The following CBY1 variants were observed in gnomAD, a reference collection of about 807,000 sequenced individuals.
The protein encoded by CBY1 is chibby 1, beta catenin antagonist, also known as protein chibby homolog 1.
A neutral mutation model predicts 15.6 loss-of-function variants in CBY1; 10 were observed. The observed-to-expected ratio is 0.64, with a 90% CI of 0.40 to 1.09. The LOEUF (loss-of-function observed/expected upper bound fraction) is 1.09. CBY1 is among the 50% of genes least tolerant of loss of function. The pLI, the probability that CBY1 is intolerant of heterozygous loss-of-function variation, is 0.01. For synonymous variants in CBY1, 61 were observed against 63.5 expected (o/e 0.96, Z 0.19); for missense variants, 150 against 160.5 (o/e 0.93, Z 0.35).
chr22:38,668,298 G>A (rs2092442920), intron 2 of CBY1, 166 bp downstream of exon 2: 1 of 560,070 alleles, frequency 1.8e-6, no homozygotes, highest in Non-Finnish European at 3.2e-6. Flanking sequence ...GTTTGGGAAT[G>A]ATCGTCAGAG....
intron 1 of CBY1, among the ~76,000 whole-genome samples, chr22:38,662,614 C>G (rs2092425290): frequency 6.6e-6 from 1 of 152,056 alleles, no homozygotes; most frequent in Non-Finnish European, 1.5e-5. Context: ...CCTCTGCCTC[C>G]TGAATAGCTG....
intron 4 of CBY1, 166 bp downstream of exon 4, chr22:38,671,354 T>A: frequency 1.5e-6 from 1 of 645,252 alleles, no homozygotes; most frequent in Non-Finnish European, 2.8e-6. Flanking sequence ...GCCCTCACAG[T>A]GTAGAGGCAG....
intron 2 of CBY1, chr22:38,668,801 A>C (rs3827356): frequency 0.31 from 47,031 of 152,426 alleles, 7,347 homozygotes; most frequent in East Asian, 0.36. Flanking sequence ...AGCATTCACT[A>C]CAGGTTTCAG....
rs529733227 is a variant in CBY1 at position 38,660,350 on chromosome 22, G to A, written c.-39+3600G>A. On this transcript the variant is annotated intron_variant, in intron 1 of 4. Transcript: ENST00000216029. Reference sequence around the variant, plus strand: ...GCTGGGATTACAGGCTCATGCCACCGCGCCTGGCTAATTTTTGTGTTTTTA... The same window carrying A: ...GCTGGGATTACAGGCTCATGCCACCACGCCTGGCTAATTTTTGTGTTTTTA... 1.1e-4 allele frequency among the ~76,000 whole-genome samples: 16 copies of A among 151,666 alleles called. No individual in the cohort carries two copies. In the East Asian group the frequency reaches 2.7e-3, roughly 26 times the overall value.
In CBY1 at chr22:38,670,655, T is replaced by C. The variant is rs908873604; in HGVS notation, c.79-229T>C. ...ATAATTCAATTTATAAATTTCAGTA[T>C]ATATAGCTTTTCTGGAAAACATCTA... On this transcript the variant is annotated intron_variant, in intron 2 of 4. Transcript: ENST00000216029. 6.0e-5 allele frequency: 29 copies of C among 481,834 alleles called. No homozygotes were observed. The Admixed American group carries it at 6.5e-4, about 11-fold the overall frequency. The allele number at this position is 481,834 out of a possible 1,614,324, so 29.8% of individuals were successfully genotyped here.
chr22:38,673,240 C>A lies in CBY1; in HGVS notation c.*4C>A, dbSNP rs1256253291. 2 of 1,598,170 alleles carry A rather than the reference C, an allele frequency of 1.3e-6. No homozygotes were observed. Among genetic ancestry groups the A allele is most frequent in the South Asian group, 2.2e-5 (2 of 90,734 alleles). On this transcript the variant is annotated 3_prime_UTR_variant, in exon 5 of 5. Coordinates refer to ENST00000216029, the MANE Select transcript of CBY1 (RefSeq NM_015373.4). ...GATCAGCCGGAAGAGAAAATGAAGA[C>A]CCCAGAGACATTTATTGGGGAGTAG...
chr22:38,665,774 C>T (rs181977117), intron 1 of CBY1: 2 of 1,160,196 alleles, frequency 1.7e-6, no homozygotes, highest in East Asian at 3.3e-5. Flanking sequence ...TTGGTTCACA[C>T]CTGTAATTCC....
At chr22:38,660,980 G>A (rs934070545) in intron 1 of CBY1, among the ~76,000 whole-genome samples, 5 of 151,916 alleles carry the variant, frequency 3.3e-5, no homozygotes, top group Admixed American at 3.3e-4. Context: ...CAGAAACAGT[G>A]CCAGGGCCTT....
Position 38,671,105 on chromosome 22 carries a change from G to A in CBY1, c.220G>A (p.Val74Ile). Residue 74 changes from valine to isoleucine, a missense_variant, in exon 4 of 5, where the codon GTT (valine) becomes ATT (isoleucine). By Grantham distance (29) the Val-to-Ile change is conservative. Coordinates refer to ENST00000216029, the MANE Select transcript of CBY1 (RefSeq NM_015373.4). ...TAGTGGCGGTGTGGACCGGAGGGAG[G>A]TTCAGCGCCTTCGCAGGCGGAACCA... Reference protein sequence around the residue: ...GVSGGVDRREVQRLRRRNQQL... With the variant: ...GVSGGVDRREIQRLRRRNQQL... 6.2e-7 allele frequency: 1 copy of A among 1,614,242 alleles called. No individual in the cohort carries two copies. Among genetic ancestry groups the A allele is most frequent in the South Asian group, 1.1e-5 (1 of 91,084 alleles).
At chr22:38,658,742 CT>C (rs1666061584) in intron 1 of CBY1, among the ~76,000 whole-genome samples, 1 of 152,174 alleles carries the variant, frequency 6.6e-6, no homozygotes, top group East Asian at 1.9e-4. Context: ...TCCCAAAGTG[CT>C]GGGATGACAG....
intron 1 of CBY1, among the ~76,000 whole-genome samples, chr22:38,658,216 C>G (rs1040474784): frequency 2.0e-5 from 3 of 151,976 alleles, no homozygotes; most frequent in African/African-American, 7.3e-5. Context: ...ACCTCTGCCT[C>G]CTGGGTTCAA....
chr22:38,666,233 A>ATATATT (rs138485713), intron 1 of CBY1, among the ~76,000 whole-genome samples: 2 of 139,200 alleles, frequency 1.4e-5, no homozygotes, highest in Non-Finnish European at 3.1e-5. Flanking sequence ...ATATATATAT[A>ATATATT]TTTTTTTTTC....
intron 1 of CBY1, among the ~76,000 whole-genome samples, chr22:38,658,752 A>C (rs1170074172): frequency 6.6e-6 from 1 of 152,146 alleles, no homozygotes; most frequent in Non-Finnish European, 1.5e-5. Flanking sequence ...CTGGGATGAC[A>C]GGCGTGAGCC....
At chr22:38,659,040 A>G (rs1318168874) in intron 1 of CBY1, among the ~76,000 whole-genome samples, 1 of 150,756 alleles carries the variant, frequency 6.6e-6, no homozygotes, top group African/African-American at 2.4e-5. Flanking sequence ...GGTTCAAGCA[A>G]TTCGCATGCC....
intron 4 of CBY1, among the ~76,000 whole-genome samples, chr22:38,671,969 T>TTA (rs1491413254): frequency 3.3e-5 from 5 of 149,988 alleles, no homozygotes; most frequent in Non-Finnish European, 7.4e-5. Context: ...TTTTTTTTTT[T>TTA]AAAAAAGGAC....
intron 2 of CBY1, 85 bp from the exon 3 acceptor site, chr22:38,670,798 TG>T (rs2145787631): frequency 1.2e-6 from 1 of 825,596 alleles, no homozygotes; most frequent in East Asian, 2.4e-5. Flanking sequence ...AATGAGTTGT[TG>T]GGGTCATATT....
rs2145783571 is a variant in CBY1, at chr22:38,666,413, C to G, written c.-38-1604C>G. Reference sequence around the variant, plus strand: ...AAGTTTGCTTCTCCCCTCCTTTTCTCCCCAAAAACCAGGGTGTTATCAGGA... The same window carrying G: ...AAGTTTGCTTCTCCCCTCCTTTTCTGCCCAAAAACCAGGGTGTTATCAGGA... On this transcript the variant is annotated intron_variant, in intron 1 of 4. Transcript: ENST00000216029. The G allele has an allele frequency of 2.6e-5, 4 of 152,068 alleles. No homozygotes were observed. In the Middle Eastern group the frequency reaches 0.014, roughly 517 times the overall value. 9.4% of individuals were successfully genotyped at this position (152,068 alleles called of 1,614,324 possible). A position where few individuals can be genotyped will look rare whatever the true frequency, so the allele number is the denominator to read the frequency against.
chr22:38,672,796 C>G (rs2092457007), intron 4 of CBY1, among the ~76,000 whole-genome samples: 1 of 151,928 alleles, frequency 6.6e-6, no homozygotes, highest in South Asian at 2.1e-4. Flanking sequence ...GCATTTTTTC[C>G]CCTCATCCCC....
At chr22:38,659,080 C>T (rs1055093321) in intron 1 of CBY1, among the ~76,000 whole-genome samples, 11 of 152,024 alleles carry the variant, frequency 7.2e-5, no homozygotes, top group East Asian at 1.9e-4. Context: ...AGATTACAGG[C>T]GCACGCCAAC....
Sources: gnomAD v4.1 joint callset for allele counts (sites outside exome capture counted in the v4.1 genomes callset) on GRCh38, gnomAD v4.1.1 for gene constraint, MANE v1.5 for transcripts, NCBI Gene and HGNC (gene_info 2026-07-23, HGNC 2026-07-21) for gene names.